CEP295: variants seen among roughly 807,000 people sequenced by gnomAD.
The protein encoded by CEP295 is centrosomal protein of 295 kDa.
In CEP295, 190 loss-of-function variants were observed where a neutral mutation model predicts 291.6. That is an observed-to-expected ratio of 0.65 (90% CI 0.58 to 0.73). The LOEUF (loss-of-function observed/expected upper bound fraction) is 0.73, where lower values mean the gene tolerates loss of function less well. CEP295 is among the 30% of genes least tolerant of loss of function. CEP295 has a pLI of 0.00. For synonymous variants in CEP295, 993 were observed against 1,038.8 expected (o/e 0.96, Z 0.85); for missense variants, 2,863 against 2,949.4 (o/e 0.97, Z 0.68).
At chr11:93,708,605 A>C (rs576381665) in intron 18 of CEP295, among the ~76,000 whole-genome samples, 1 of 152,158 alleles carries the variant, frequency 6.6e-6, no homozygotes, top group Non-Finnish European at 1.5e-5. Flanking sequence ...ACAGTGCTGC[A>C]GTCAACATGG....
rs568777330 is a variant in CEP295, at chr11:93,700,424, T to C, written c.5274+238T>C. Among the ~76,000 whole-genome samples the C allele has an allele frequency of 9.4e-5, 14 of 149,254 alleles. No homozygotes were observed. The South Asian group carries it at 1.7e-3, about 18-fold the overall frequency. On this transcript the variant is annotated intron_variant, in intron 15 of 29. Coordinates refer to ENST00000325212, the MANE Select transcript of CEP295 (RefSeq NM_033395.2). ...ATTTTTTTAAATTTTCTTTTGTTTTTGCTTTTTTTTTTTTTTTTTGAGACA... is the reference window on the plus strand; with the variant it reads ...ATTTTTTTAAATTTTCTTTTGTTTTCGCTTTTTTTTTTTTTTTTTGAGACA...
chr11:93,692,106 T>A, intron 12 of CEP295, 76 bp downstream of exon 12: 1 of 781,918 alleles, frequency 1.3e-6, no homozygotes, highest in Non-Finnish European at 2.1e-6. Context: ...GCCAATGAAA[T>A]TTGTCTTAAT....
intron 2 of CEP295, 72 bp downstream of exon 2, chr11:93,666,887 T>A: frequency 1.2e-6 from 1 of 812,244 alleles, no homozygotes; most frequent in East Asian, 2.7e-5. Flanking sequence ...TACATTAGAG[T>A]GTTCTAAATG....
chr11:93,726,930 A>C (rs1440259533), intron 23 of CEP295, 46 bp from the exon 24 acceptor site: 6 of 1,416,580 alleles, frequency 4.2e-6, no homozygotes, highest in Non-Finnish European at 5.6e-6. Context: ...TCCAACTTTT[A>C]CAACATGTAA....
chr11:93,710,012 T>G (rs1952793017), intron 18 of CEP295, among the ~76,000 whole-genome samples: 3 of 152,232 alleles, frequency 2.0e-5, no homozygotes, highest in Admixed American at 6.5e-5. Context: ...CGTACTGAAT[T>G]TATCAGTTAT....
chr11:93,712,065 A>G lies in CEP295; in HGVS notation c.5749+5168A>G, dbSNP rs528329101. Reference sequence around the variant, plus strand: ...AAGTGGGATGTTGAGGTCTCCAGCTATTATTTTACTGGGGTCTAGCTATCT... The same window carrying G: ...AAGTGGGATGTTGAGGTCTCCAGCTGTTATTTTACTGGGGTCTAGCTATCT... On this transcript the variant is annotated intron_variant, in intron 18 of 29. Coordinates refer to ENST00000325212, the MANE Select transcript of CEP295 (RefSeq NM_033395.2). 1.5e-4 allele frequency among the ~76,000 whole-genome samples: 23 copies of G among 152,048 alleles called. No individual in the cohort carries two copies. In the South Asian group the frequency reaches 3.9e-3, roughly 26 times the overall value.
At chr11:93,667,495 A>C in intron 2 of CEP295, 112 bp from the exon 3 acceptor site, 1 of 706,622 alleles carries the variant, frequency 1.4e-6, no homozygotes, top group South Asian at 2.1e-5. Flanking sequence ...TGAGTATCAA[A>C]GAGAGTTGAC....
rs1429676753 is a variant in CEP295, at chr11:93,697,508, G to A, written c.2596G>A (p.Glu866Lys). 1.3e-6 allele frequency: 2 copies of A among 1,551,704 alleles called. No individual in the cohort carries two copies. Among genetic ancestry groups the A allele is most frequent in the Non-Finnish European group, 1.7e-6 (2 of 1,147,012 alleles). Reference sequence around the variant, plus strand: ...GAAGAAAGTTCTTCAGGCAACTCAGGAAGCTCAGGAACAGTTGCTTTTGTG... The same window carrying A: ...GAAGAAAGTTCTTCAGGCAACTCAGAAAGCTCAGGAACAGTTGCTTTTGTG... ...LQKKVLQATQ[E>K]AQEQLLLCKQ... The change falls in exon 15 of 30, where the codon GAA becomes AAA. Residue 866 changes from glutamate to lysine, a missense_variant. By Grantham distance (56) the Glu-to-Lys change is moderately conservative. This residue lies in a region of CEP295 where 2,295 missense variants were observed against 2,335.7 expected (regional missense o/e 0.98). Transcript: ENST00000325212.
chr11:93,729,059 T>TAC (rs755406576), intron 25 of CEP295: 1 of 526,956 alleles, frequency 1.9e-6, no homozygotes, highest in South Asian at 2.7e-5. Context: ...ACTAATCTTA[T>TAC]ACACCTAGTG....
intron 5 of CEP295, among the ~76,000 whole-genome samples, chr11:93,674,842 T>A: frequency 6.6e-6 from 1 of 152,248 alleles, no homozygotes; most frequent in East Asian, 1.9e-4. Context: ...TGTGAGCTCC[T>A]TGAAGCCAGG....
chr11:93,714,288 G>T (rs887498513), intron 18 of CEP295, among the ~76,000 whole-genome samples: 1 of 152,126 alleles, frequency 6.6e-6, no homozygotes, highest in Admixed American at 6.5e-5. Flanking sequence ...GTCTTGTTCT[G>T]TCTCCAGGCT....
In CEP295 at chr11:93,697,988, G is replaced by A. The variant is rs3802771; in HGVS notation, c.3076G>A (p.Glu1026Lys). ...KIQEQHSSKS[E>K]KGLVSCQSDI... ...ACAGGAGCAACATTCATCTAAGAGC[G>A]AGAAAGGACTTGTTTCATGCCAATC... The change falls in exon 15 of 30, where the codon GAG (glutamate) becomes AAG (lysine). Residue 1026 changes from glutamate to lysine, a missense_variant. This residue lies in a region of CEP295 where 2,295 missense variants were observed against 2,335.7 expected (regional missense o/e 0.98). Coordinates refer to ENST00000325212, the MANE Select transcript of CEP295 (RefSeq NM_033395.2). The A allele has an allele frequency of 4.0e-3, 6,204 of 1,551,688 alleles. 151 individuals are homozygous for A. The East Asian group carries it at 0.069, about 17-fold the overall frequency.
At position 93,698,155 on chromosome 11, in the gene CEP295, A is replaced by G. The variant is rs780476387; in HGVS notation, c.3243A>G (p.Leu1081=). 46 of 1,552,074 alleles carry G rather than the reference A, an allele frequency of 3.0e-5. No homozygotes were observed. In the Middle Eastern group the frequency reaches 8.3e-4, roughly 28 times the overall value. ...LQARHEAQVE[L]LLHRQRDLGD... ...CTAGGCATGAAGCTCAGGTGGAATT[A>G]CTTTTACATAGACAAAGAGATTTGG... The change falls in exon 15 of 30, where the codon TTA becomes TTG. Residue 1081 remains leucine, a synonymous_variant. Transcript: ENST00000325212.
intron 20 of CEP295, 114 bp from the exon 21 acceptor site, chr11:93,722,927 C>G: frequency 1.4e-6 from 1 of 739,874 alleles, no homozygotes; most frequent in Non-Finnish European, 2.2e-6. Context: ...GCGAGATGGT[C>G]TCCATCTCTT....
In CEP295 at chr11:93,699,837, T is replaced by C. The variant is rs868434909; in HGVS notation, c.4925T>C (p.Ile1642Thr). 5.8e-6 allele frequency: 9 copies of C among 1,552,122 alleles called. No individual in the cohort carries two copies. The highest frequency in any genetic ancestry group is 1.7e-4 in the Middle Eastern group (1 of 6,020). Residue 1642 changes from isoleucine (I) to threonine (T), a missense_variant, in exon 15 of 30, where the codon ATC becomes ACC. Ile to Thr is a moderately conservative substitution (Grantham distance 89, BLOSUM62 -1). Around this residue, in one of 3 missense-constraint regions of CEP295, gnomAD observed 2,295 missense variants for 2,335.7 expected, o/e 0.98. Transcript: ENST00000325212. ...AAAAGTGAATCTGCTGAGCATACTATCCCCTCTTTGTTTCTACCCAAGGAA... is the reference window on the plus strand; with the variant it reads ...AAAAGTGAATCTGCTGAGCATACTACCCCCTCTTTGTTTCTACCCAAGGAA... ...LNKSESAEHT[I>T]PSLFLPKETE...
chr11:93,683,585 C>T lies in CEP295; in HGVS notation c.792C>T (p.Leu264=). The T allele has an allele frequency of 1.3e-6, 2 of 1,518,414 alleles. No individual in the cohort carries two copies. The highest frequency in any genetic ancestry group is 1.8e-6 in the Non-Finnish European group (2 of 1,138,282). 94.1% of individuals were successfully genotyped at this position (1,518,414 alleles called of 1,614,324 possible). A position where few individuals can be genotyped will look rare whatever the true frequency, so the allele number is the denominator to read the frequency against. Residue 264 remains leucine, a synonymous_variant, in exon 8 of 30, where the codon CTC becomes CTT. Coordinates refer to ENST00000325212, the MANE Select transcript of CEP295 (RefSeq NM_033395.2). ...AQNQEKLMKE[L]KQLQQEDLAR... ...ATCAGGAGAAACTAATGAAAGAACT[C>T]AAACAGCTACAGCAAGAGGACCTGG...
At chr11:93,687,963 C>CA (rs1345065244) in intron 10 of CEP295, 98 bp downstream of exon 10, 2 of 746,606 alleles carry the variant, frequency 2.7e-6, no homozygotes, top group Admixed American at 3.4e-5. Flanking sequence ...TTAAAAGGAA[C>CA]AAAACATAAT....
At chr11:93,723,323 A>G (rs565432559) in intron 21 of CEP295, 34 bp downstream of exon 21, 3 of 1,386,716 alleles carry the variant, frequency 2.2e-6, no homozygotes, top group East Asian at 5.0e-5. Flanking sequence ...TTTTATGTAA[A>G]TTAAGTTTTA....
chr11:93,685,183 C>T (rs1951165523), intron 9 of CEP295, among the ~76,000 whole-genome samples: 2 of 152,210 alleles, frequency 1.3e-5, no homozygotes, highest in Non-Finnish European at 1.5e-5. Context: ...ACCAAGTCCT[C>T]TTCATGGAAT....
Sources: gnomAD v4.1 joint callset for allele counts (sites outside exome capture counted in the v4.1 genomes callset) on GRCh38, gnomAD v4.1.1 for gene constraint, gnomAD v4.1.1 regional missense constraint, MANE v1.5 for transcripts, NCBI Gene and HGNC (gene_info 2026-07-23, HGNC 2026-07-21) for gene names.